PCTP: variants seen among roughly 807,000 people sequenced by gnomAD.
PCTP encodes phosphatidylcholine transfer protein, also known as START domain-containing protein 2.
A neutral mutation model predicts 31.0 loss-of-function variants in PCTP; 27 were observed. That is an observed-to-expected ratio of 0.87 (90% confidence interval 0.64 to 1.20). The LOEUF is 1.20. Ranked by LOEUF, PCTP falls within the 50% of genes most tolerant of loss-of-function variation. PCTP has a pLI of 0.00. For synonymous variants in PCTP, 108 were observed against 101.2 expected (o/e 1.07, Z -0.40); for missense variants, 287 against 268.2 (o/e 1.07, Z -0.49).
downstream of PCTP, chr17:55,777,395 C>A: frequency 1.0e-6 from 1 of 980,694 alleles, no homozygotes; most frequent in Non-Finnish European, 1.2e-6. Context: ...GTACCACTTC[C>A]TTCCTACCTT....
At chr17:55,841,891 C>T (rs1336601386) in intron 5 of PCTP, among the ~76,000 whole-genome samples, 1 of 152,132 alleles carries the variant, frequency 6.6e-6, no homozygotes, top group Non-Finnish European at 1.5e-5. Flanking sequence ...AAACACAAAA[C>T]CATCTCTGTC....
chr17:55,822,058 C>T (rs1913132191), intron 3 of PCTP, among the ~76,000 whole-genome samples: 1 of 152,178 alleles, frequency 6.6e-6, no homozygotes, highest in Admixed American at 6.5e-5. Context: ...ACCCCCAGCA[C>T]CTGATTTTAC....
downstream of PCTP, among the ~76,000 whole-genome samples, chr17:55,780,616 T>G (rs1411787252): frequency 6.6e-6 from 1 of 152,236 alleles, no homozygotes; most frequent in Non-Finnish European, 1.5e-5. Context: ...GCAATGGACC[T>G]GGCATGACAT....
intron 3 of PCTP, among the ~76,000 whole-genome samples, chr17:55,788,458 A>G (rs1216902144): frequency 6.6e-6 from 1 of 152,198 alleles, no homozygotes; most frequent in Non-Finnish European, 1.5e-5. Flanking sequence ...TTATTTACTC[A>G]ACAAAGATTT....
intron 2 of PCTP, among the ~76,000 whole-genome samples, chr17:55,782,980 A>G (rs1044874845): frequency 6.6e-6 from 1 of 152,214 alleles, no homozygotes; most frequent in East Asian, 1.9e-4. Flanking sequence ...ATTCTAAAGT[A>G]TCTGCTGAAG....
chr17:55,799,710 C>G (rs937472559), intron 3 of PCTP, among the ~76,000 whole-genome samples: 2 of 152,106 alleles, frequency 1.3e-5, no homozygotes, highest in Non-Finnish European at 2.9e-5. Context: ...GTGGCTGGTA[C>G]CAGTTTTTCC....
downstream of PCTP, among the ~76,000 whole-genome samples, chr17:55,781,165 C>A (rs1911551539): frequency 6.6e-6 from 1 of 152,238 alleles, no homozygotes; most frequent in African/African-American, 2.4e-5. Context: ...AATAAGTGAT[C>A]TGCAAATTTC....
At position 55,776,980 on chromosome 17, in the gene PCTP, A is replaced by T; in HGVS notation, c.*880A>T. On this transcript the variant is annotated 3_prime_UTR_variant, in exon 6 of 6. Coordinates refer to ENST00000268896, the MANE Select transcript of PCTP (RefSeq NM_021213.4). ...AAAAAGTATCTTTCTATGCAATAAGATGAATTTTCCTCCCAGAATATTTAG... is the reference window on the plus strand; with the variant it reads ...AAAAAGTATCTTTCTATGCAATAAGTTGAATTTTCCTCCCAGAATATTTAG... The T allele has an allele frequency of 1.0e-6, 1 of 985,730 alleles. No individual in the cohort carries two copies. The highest frequency in any genetic ancestry group is 1.2e-6 in the Non-Finnish European group (1 of 830,066). The allele number at this position is 985,730 out of a possible 1,614,324, so 61.1% of individuals were successfully genotyped here. A position where few individuals can be genotyped will look rare whatever the true frequency, so the allele number is the denominator to read the frequency against.
intron 5 of PCTP, 39 bp from the exon 6 acceptor site, chr17:55,775,996 T>C (rs753503348): frequency 1.4e-5 from 22 of 1,612,356 alleles, no homozygotes; most frequent in Non-Finnish European, 1.8e-5. Flanking sequence ...GAGTGACCAC[T>C]GTGAAGACAT....
At chr17:55,833,124 A>C (rs1905660609) in intron 5 of PCTP, among the ~76,000 whole-genome samples, 1 of 152,166 alleles carries the variant, frequency 6.6e-6, no homozygotes, top group Non-Finnish European at 1.5e-5. Context: ...CACTCAGGGG[A>C]GTTGCAGGAG....
intron 3 of PCTP, among the ~76,000 whole-genome samples, chr17:55,803,908 A>G (rs1912483240): frequency 6.7e-6 from 1 of 150,368 alleles, no homozygotes; most frequent in East Asian, 1.9e-4. Context: ...AAAAAAAACC[A>G]GGATCAGAGT....
chr17:55,766,181 T>G (rs1910638824), intron 1 of PCTP, among the ~76,000 whole-genome samples: 1 of 152,192 alleles, frequency 6.6e-6, no homozygotes, highest in African/African-American at 2.4e-5. Context: ...TGCACCTGCT[T>G]TTTTATCATT....
downstream of PCTP, among the ~76,000 whole-genome samples, chr17:55,825,076 T>A (rs1027839994): frequency 1.3e-5 from 2 of 152,224 alleles, no homozygotes; most frequent in Non-Finnish European, 2.9e-5. Flanking sequence ...CAAATTTTTT[T>A]AATGTCTTTT....
chr17:55,828,967 C>T (rs28678345), intron 5 of PCTP, among the ~76,000 whole-genome samples: 9,927 of 152,116 alleles, frequency 0.065, 349 homozygotes, highest in African/African-American at 0.099. Flanking sequence ...ATGTTAAAAA[C>T]GGAAGAGATG....
chr17:55,787,899 G>A lies in PCTP; in HGVS notation c.317+245G>A, dbSNP rs933734008. On this transcript the variant is annotated intron_variant, in intron 3 of 3. Coordinates refer to the PCTP transcript ENST00000572536. Reference sequence around the variant, plus strand: ...TAAAATTCCCTTCTCTATTCTTCTCGGCACATAGCATTTATTCAACAGCAC... The same window carrying A: ...TAAAATTCCCTTCTCTATTCTTCTCAGCACATAGCATTTATTCAACAGCAC... Among the ~76,000 whole-genome samples the A allele has an allele frequency of 2.6e-5, 4 of 151,924 alleles. No homozygotes were observed. In the East Asian group the frequency reaches 5.8e-4, roughly 22 times the overall value.
chr17:55,789,081 A>G (rs1026631771), intron 3 of PCTP, among the ~76,000 whole-genome samples: 1 of 152,334 alleles, frequency 6.6e-6, no homozygotes, highest in Middle Eastern at 3.4e-3. Context: ...GAGTAATTAT[A>G]TTCACACTTT....
intron 3 of PCTP, among the ~76,000 whole-genome samples, chr17:55,812,079 A>G (rs1912770744): frequency 6.6e-6 from 1 of 152,210 alleles, no homozygotes; most frequent in South Asian, 2.1e-4. Flanking sequence ...CAGATGTGAA[A>G]GTAACTTGCC....
chr17:55,775,284 T>G, intron 5 of PCTP: 1 of 470,786 alleles, frequency 2.1e-6, no homozygotes. Flanking sequence ...GTTGTTGCCC[T>G]TTTTTTTTTT....
At chr17:55,804,753 A>G (rs1912522829) in intron 3 of PCTP, among the ~76,000 whole-genome samples, 1 of 152,118 alleles carries the variant, frequency 6.6e-6, no homozygotes, top group South Asian at 2.1e-4. Flanking sequence ...TAGGAGAAAT[A>G]GTTAATGTAG....
Sources: allele counts gnomAD v4.1 joint callset (sites outside exome capture counted in the v4.1 genomes callset), GRCh38; gene constraint gnomAD v4.1.1; transcripts MANE v1.5; gene names NCBI Gene and HGNC (gene_info 2026-07-23, HGNC 2026-07-21).